The following USH2A variants were observed in gnomAD, a reference collection of about 807,000 sequenced individuals.
USH2A encodes the protein usherin, also known as Usher syndrome 2A (autosomal recessive, mild).
In USH2A, 443 loss-of-function variants were observed where a neutral mutation model predicts 538.9. That is an observed-to-expected ratio of 0.82 (90% CI 0.76 to 0.89). The LOEUF (loss-of-function observed/expected upper bound fraction) is 0.89, where lower values mean the gene tolerates loss of function less well. Among genes scored for constraint, USH2A ranks in the 40% least tolerant of loss-of-function variants. The pLI is 0.00. For missense variants in USH2A, 6,633 were observed against 6,324.8 expected, an observed-to-expected ratio of 1.05 and a Z score of -1.65; for synonymous variants, 2,413 against 2,273.5, an observed-to-expected ratio of 1.06 and a Z score of -1.75.
chr1:216,159,691 T>C (rs2034016272), intron 21 of USH2A, among the ~76,000 whole-genome samples: 1 of 152,104 alleles, frequency 6.6e-6, no homozygotes, highest in Non-Finnish European at 1.5e-5. Flanking sequence ...ATAGAAACCA[T>C]TGCAATTTTC....
chr1:215,706,004 A>G (rs1659174292), intron 61 of USH2A, among the ~76,000 whole-genome samples: 1 of 152,218 alleles, frequency 6.6e-6, no homozygotes, highest in Admixed American at 6.5e-5. Context: ...TGTATATTAA[A>G]TTGTGTAAGC....
At chr1:216,374,985 C>A (rs2038791483) in intron 3 of USH2A, among the ~76,000 whole-genome samples, 1 of 152,014 alleles carries the variant, frequency 6.6e-6, no homozygotes, top group Admixed American at 6.6e-5. Flanking sequence ...TACTCCCAGG[C>A]CCACTCTCTC....
intron 4 of USH2A, among the ~76,000 whole-genome samples, chr1:216,330,367 T>C (rs1297968172): frequency 1.3e-5 from 2 of 152,022 alleles, no homozygotes; most frequent in Non-Finnish European, 2.9e-5. Context: ...TTGGAGAGCA[T>C]GGCTAGATTT....
At chr1:215,698,851 G>A (rs902658059) in intron 61 of USH2A, among the ~76,000 whole-genome samples, 2 of 152,134 alleles carry the variant, frequency 1.3e-5, no homozygotes, top group African/African-American at 4.8e-5. Flanking sequence ...GTCAATATTA[G>A]CTTTTGTTGC....
intron 47 of USH2A, among the ~76,000 whole-genome samples, chr1:215,818,995 A>T (rs932412090): frequency 2.6e-5 from 4 of 151,766 alleles, no homozygotes; most frequent in African/African-American, 7.2e-5. Flanking sequence ...CATTGTTTTT[A>T]AAAAAATAGG....
intron 3 of USH2A, among the ~76,000 whole-genome samples, chr1:216,383,892 C>T (rs1321676948): frequency 8.7e-5 from 12 of 138,502 alleles, no homozygotes; most frequent in Admixed American, 6.6e-4. Flanking sequence ...GTAGAGATGA[C>T]GTCTTGCTAT....
intron 32 of USH2A, among the ~76,000 whole-genome samples, chr1:216,021,975 C>A (rs1207273273): frequency 1.3e-5 from 2 of 152,024 alleles, no homozygotes; most frequent in African/African-American, 4.8e-5. Context: ...TGAATGAGTT[C>A]TCACTCTTAG....
chr1:216,013,580 G>C (rs1442518456), intron 32 of USH2A, among the ~76,000 whole-genome samples: 8 of 152,130 alleles, frequency 5.3e-5, no homozygotes, highest in Admixed American at 3.3e-4. Context: ...AAAATGGCCT[G>C]TTCCTGCCTT....
At chr1:215,831,488 G>T (rs559573926) in intron 47 of USH2A, among the ~76,000 whole-genome samples, 3 of 151,964 alleles carry the variant, frequency 2.0e-5, no homozygotes, top group Non-Finnish European at 2.9e-5. Context: ...TAATTTAAAA[G>T]AATTGGAATT....
intron 14 of USH2A, among the ~76,000 whole-genome samples, chr1:216,227,384 G>A (rs2035583315): frequency 6.6e-6 from 1 of 152,218 alleles, no homozygotes. Context: ...AAGAGTGAGA[G>A]ATTAGACAAT....
intron 20 of USH2A, among the ~76,000 whole-genome samples, chr1:216,182,954 G>A (rs1419384349): frequency 6.6e-6 from 1 of 152,096 alleles, no homozygotes; most frequent in Non-Finnish European, 1.5e-5. Context: ...TACCATCTAT[G>A]TGATGACCAG....
intron 30 of USH2A, among the ~76,000 whole-genome samples, chr1:216,066,834 T>A (rs561791009): frequency 2.0e-5 from 3 of 152,302 alleles, no homozygotes; most frequent in South Asian, 4.1e-4. Flanking sequence ...GTTAGGACTT[T>A]AGGATCCAGA....
In USH2A at chr1:215,830,634, A is replaced by C. The variant is rs189672853; in HGVS notation, c.9371+7357T>G. Among the ~76,000 whole-genome samples, 224 of 152,298 alleles carry C rather than the reference A, an allele frequency of 1.5e-3. 1 individual carries two copies. The highest frequency in any genetic ancestry group is 5.1e-3 in the African/African-American group (210 of 41,574). On this transcript the variant is annotated intron_variant, in intron 47 of 71. Transcript: ENST00000307340. Reference sequence around the variant, plus strand: ...GACATTTCAGAGAGAAGAAAGCTAGAAGCTAATTTTATGAATGAACGAACG... The same window carrying C: ...GACATTTCAGAGAGAAGAAAGCTAGCAGCTAATTTTATGAATGAACGAACG...
At chr1:215,946,719 T>C (rs913590179) in intron 37 of USH2A, among the ~76,000 whole-genome samples, 8 of 152,270 alleles carry the variant, frequency 5.3e-5, no homozygotes, top group Non-Finnish European at 8.8e-5. Context: ...GAAATGTGGG[T>C]AGTATGGCTG....
At chr1:216,160,768 T>C (rs544535851) in intron 21 of USH2A, among the ~76,000 whole-genome samples, 129 of 152,276 alleles carry the variant, frequency 8.5e-4, no homozygotes, top group Non-Finnish European at 1.2e-3. Flanking sequence ...GATGTAATTG[T>C]TTATTCATTT....
chr1:215,653,893 C>T (rs1657159150), intron 64 of USH2A, among the ~76,000 whole-genome samples: 1 of 152,022 alleles, frequency 6.6e-6, no homozygotes, highest in Admixed American at 6.6e-5. Context: ...GCAGAGATCC[C>T]ACATAGAAAA....
intron 47 of USH2A, among the ~76,000 whole-genome samples, chr1:215,820,518 T>A (rs1662982372): frequency 1.3e-5 from 2 of 151,758 alleles, no homozygotes; most frequent in Non-Finnish European, 3.0e-5. Flanking sequence ...ATTCATATAA[T>A]TTGTAAAGAG....
At chr1:216,401,641 G>C (rs921606174) in intron 3 of USH2A, among the ~76,000 whole-genome samples, 1 of 151,868 alleles carries the variant, frequency 6.6e-6, no homozygotes, top group African/African-American at 2.4e-5. Flanking sequence ...AAAGAAAAAA[G>C]GAATAACTAG....
At chr1:215,797,718 C>A (rs1358180110) in intron 50 of USH2A, among the ~76,000 whole-genome samples, 1 of 152,064 alleles carries the variant, frequency 6.6e-6, no homozygotes, top group Non-Finnish European at 1.5e-5. Context: ...AAAGATATTT[C>A]TTTTAAAATA....
Sources: gnomAD v4.1 joint callset for allele counts (sites outside exome capture counted in the v4.1 genomes callset) on GRCh38, gnomAD v4.1.1 for gene constraint, MANE v1.5 for transcripts, NCBI Gene and HGNC (gene_info 2026-07-23, HGNC 2026-07-21) for gene names.